Variants in PITPNM3 observed in about 807,000 individuals in gnomAD.
PITPNM3 encodes the protein PITPNM family member 3, also known as membrane-associated phosphatidylinositol transfer protein 3.
A neutral mutation model predicts 102.0 loss-of-function variants in PITPNM3; 26 were observed. The observed-to-expected ratio is 0.25, with a 90% CI of 0.19 to 0.35. The LOEUF (loss-of-function observed/expected upper bound fraction) is 0.35, where lower values mean the gene tolerates loss of function less well. Among genes scored for constraint, PITPNM3 ranks in the 10% least tolerant of loss-of-function variants. The pLI, the probability that PITPNM3 is intolerant of heterozygous loss-of-function variation, is 1.00. For missense variants in PITPNM3, 1,083 were observed against 1,346.1 expected (o/e 0.80, Z 3.06); for synonymous variants, 578 against 558.6 (o/e 1.03, Z -0.49).
At chr17:6,506,532 C>A (rs567516975) in intron 3 of PITPNM3, among the ~76,000 whole-genome samples, 1 of 152,046 alleles carries the variant, frequency 6.6e-6, no homozygotes, top group Admixed American at 6.6e-5. Flanking sequence ...CCACCACACC[C>A]GGCTAATTTT....
intron 4 of PITPNM3, among the ~76,000 whole-genome samples, chr17:6,495,436 A>C (rs1906742115): frequency 6.6e-6 from 1 of 152,176 alleles, no homozygotes. Flanking sequence ...GGGTGAAAAG[A>C]GATCCTCACA....
At chr17:6,512,490 A>G (rs1200311028) in intron 3 of PITPNM3, among the ~76,000 whole-genome samples, 1 of 152,216 alleles carries the variant, frequency 6.6e-6, no homozygotes. Context: ...ATTTTAGTGC[A>G]TCGGAATCAC....
intron 2 of PITPNM3, among the ~76,000 whole-genome samples, chr17:6,530,756 G>A (rs534559262): frequency 5.3e-5 from 8 of 152,170 alleles, no homozygotes; most frequent in Non-Finnish European, 8.8e-5. Context: ...CAACTGTCAG[G>A]GCCTGGCCTG....
In PITPNM3 at chr17:6,452,977, CCTCTCTCT is replaced by C. The variant is rs796340486; in HGVS notation, c.*2353_*2360del. The C allele has an allele frequency of 7.5e-6, 1 of 133,662 alleles. No homozygotes were observed. The highest frequency in any genetic ancestry group is 2.9e-5 in the African/African-American group (1 of 34,280). The allele number at this position is 133,662 out of a possible 1,614,324, so 8.3% of individuals were successfully genotyped here. On this transcript the variant is annotated 3_prime_UTR_variant, in exon 20 of 20. Coordinates refer to ENST00000262483, the MANE Select transcript of PITPNM3 (RefSeq NM_031220.4). Reference sequence around the variant, plus strand: ...CTCTCTTCCTCTCTCTCTCTCTCTTCCTCTCTCTCTCTCTCTGTCTTCCTTTCTCTCTC... The same window carrying C: ...CTCTCTTCCTCTCTCTCTCTCTCTTCCTCTCTCTGTCTTCCTTTCTCTCTC...
At chr17:6,462,892 CATGGGGAGCA>C (rs1904539833) in intron 17 of PITPNM3, among the ~76,000 whole-genome samples, 1 of 152,068 alleles carries the variant, frequency 6.6e-6, no homozygotes, top group Non-Finnish European at 1.5e-5. Context: ...TGTGGAGCAC[CATGGGGAGCA>C]CCCTGGAGCC....
rs1597367623 is a variant in PITPNM3, at chr17:6,471,109, GAA to G, written c.1624+50_1624+51del. 5.6e-6 allele frequency: 9 copies of G among 1,599,070 alleles called. No individual in the cohort carries two copies. In the East Asian group the frequency reaches 2.0e-4, roughly 36 times the overall value. On this transcript the variant is annotated intron_variant, in intron 12 of 19. Coordinates refer to ENST00000262483, the MANE Select transcript of PITPNM3 (RefSeq NM_031220.4). ...GCAGTGGCCCAGCAAACACCCAGAG[GAA>G]GGTTCCCCTCCCCCGAATCCAGGCA...
chr17:6,462,342 G>A (rs1904506942), intron 17 of PITPNM3, among the ~76,000 whole-genome samples: 1 of 152,120 alleles, frequency 6.6e-6, no homozygotes, highest in African/African-American at 2.4e-5. Context: ...AGAGCCTCAA[G>A]TCCTCTCTCT....
At chr17:6,471,569 C>T (rs1028915276) in intron 11 of PITPNM3, among the ~76,000 whole-genome samples, 1 of 152,200 alleles carries the variant, frequency 6.6e-6, no homozygotes, top group Non-Finnish European at 1.5e-5. Flanking sequence ...CGCATATTGC[C>T]GCATTTACCT....
At chr17:6,516,724 G>A (rs1156804884) in intron 3 of PITPNM3, among the ~76,000 whole-genome samples, 1 of 151,422 alleles carries the variant, frequency 6.6e-6, no homozygotes, top group African/African-American at 2.4e-5. Flanking sequence ...AGAATACAAG[G>A]ACTAAAGATG....
chr17:6,469,798 A>G lies in PITPNM3; in HGVS notation c.1773+462T>C, dbSNP rs1904971011. On this transcript the variant is annotated intron_variant, in intron 13 of 19. Coordinates refer to ENST00000262483, the MANE Select transcript of PITPNM3 (RefSeq NM_031220.4). The surrounding 1 kb of genome is among the most constrained non-coding windows in gnomAD (Gnocchi z 4.0). The stretch of plus-strand genomic sequence containing the variant: ...CTGCAATGGCTTCCCGTTGAACCCA[A>G]TATAAAACCATACCCCTGACCTTGG... Among the ~76,000 whole-genome samples, 1 of 152,190 alleles carries G rather than the reference A, an allele frequency of 6.6e-6. No homozygotes were observed.
Position 6,455,551 on chromosome 17 carries a change from G to T in PITPNM3, c.2712C>A (p.Arg904=). The change falls in exon 20 of 20, where the codon CGC becomes CGA. Residue 904 remains arginine, a synonymous_variant. Transcript: ENST00000262483. ...PKKNNSRMIL[R]KGSFGLHAQP... ...GCGCGTGCAGCCCGAAGCTGCCCTTGCGCAGGATCATGCGCGAGTTGTTCT... is the reference window on the plus strand; with the variant it reads ...GCGCGTGCAGCCCGAAGCTGCCCTTTCGCAGGATCATGCGCGAGTTGTTCT... 1 of 1,603,686 alleles carries T rather than the reference G, an allele frequency of 6.2e-7. No individual in the cohort carries two copies. The highest frequency in any genetic ancestry group is 8.5e-7 in the Non-Finnish European group (1 of 1,179,438).
intron 6 of PITPNM3, chr17:6,481,738 T>TGATAGATATATA (rs1905681993): frequency 7.1e-6 from 1 of 140,112 alleles, no homozygotes; most frequent in East Asian, 2.2e-4. Context: ...ATAGATCAGA[T>TGATAGATATATA]GATAGATAGA....
At chr17:6,547,667 A>T (rs138369914) in intron 1 of PITPNM3, among the ~76,000 whole-genome samples, 3 of 152,178 alleles carry the variant, frequency 2.0e-5, no homozygotes, top group African/African-American at 4.8e-5. Context: ...CCAGGCACCT[A>T]CCCAGGCAAC....
rs111943449 is a variant in PITPNM3 at position 6,454,514 on chromosome 17, C to A, written c.*824G>T. On this transcript the variant is annotated 3_prime_UTR_variant, in exon 20 of 20. Coordinates refer to ENST00000262483, the MANE Select transcript of PITPNM3 (RefSeq NM_031220.4). ...CTCACACCAATCTCAGCTAGGGGGA[C>A]CCCTCCAATAACAGAAGGAAGACGG... 1,247 of 151,810 alleles carry A rather than the reference C, an allele frequency of 8.2e-3. 9 individuals carry two copies. The highest frequency in any genetic ancestry group is 0.014 in the Non-Finnish European group (962 of 68,106). The allele number at this position is 151,810 out of a possible 1,614,324, so 9.4% of individuals were successfully genotyped here.
chr17:6,476,480 T>G (rs1333950067), intron 9 of PITPNM3, among the ~76,000 whole-genome samples: 1 of 152,214 alleles, frequency 6.6e-6, no homozygotes, highest in Non-Finnish European at 1.5e-5. Context: ...CAAACAGTTC[T>G]GTAGAGGAGC....
In PITPNM3 at chr17:6,455,594, T is replaced by A. The variant is rs1567656615; in HGVS notation, c.2669A>T (p.His890Leu). 1.3e-6 allele frequency: 2 copies of A among 1,561,500 alleles called. No homozygotes were observed. The highest frequency in any genetic ancestry group is 1.7e-6 in the Non-Finnish European group (2 of 1,159,952). The change falls in exon 20 of 20, where the codon CAC becomes CTC. Residue 890 changes from histidine to leucine, a missense_variant. Coordinates refer to ENST00000262483, the MANE Select transcript of PITPNM3 (RefSeq NM_031220.4). Reference protein sequence around the residue: ...AAHLAALEASHRSRPKKNNSR... With the variant: ...AAHLAALEASLRSRPKKNNSR... ...GTTGTTCTTCTTTGGGCGTGAGCGG[T>A]GGCTGGCCTCCAGCGCGGCCAGGTG...
At chr17:6,536,063 CAAAAAAAAAAGGAAAAAAAAAGAA>C (rs1909407282) in intron 2 of PITPNM3, among the ~76,000 whole-genome samples, 1 of 74,982 alleles carries the variant, frequency 1.3e-5, no homozygotes, top group Non-Finnish European at 2.6e-5. Flanking sequence ...GACTCCATCT[CAAAAAAAAAAGGAAAAAAAAAGAA>C]AAAAAAAAAA....
chr17:6,463,818 C>T lies in PITPNM3; in HGVS notation c.2220G>A (p.Val740=). The change falls in exon 17 of 20, where the codon GTG becomes GTA. Residue 740 remains valine (V), a synonymous_variant. Coordinates refer to ENST00000262483, the MANE Select transcript of PITPNM3 (RefSeq NM_031220.4). ...TVLPRGMECV[V]FSIDGSFAAS... is the part of the protein sequence containing the mutation. Reference sequence around the variant, plus strand: ...CCGCGAAGGACCCATCAATGCTGAACACTACACACTCCATGCCCCTGGGCA... The same window carrying T: ...CCGCGAAGGACCCATCAATGCTGAATACTACACACTCCATGCCCCTGGGCA... 7.4e-6 allele frequency: 12 copies of T among 1,613,870 alleles called. No individual in the cohort carries two copies. The highest frequency in any genetic ancestry group is 1.0e-5 in the Non-Finnish European group (12 of 1,179,984).
intron 8 of PITPNM3, among the ~76,000 whole-genome samples, chr17:6,477,436 G>A (rs1905374434): frequency 6.6e-6 from 1 of 152,194 alleles, no homozygotes; most frequent in South Asian, 2.1e-4. Context: ...TGGGATGCTG[G>A]ATGGCTGTCG....
Sources: gnomAD v4.1 joint callset for allele counts (sites outside exome capture counted in the v4.1 genomes callset) on GRCh38, gnomAD v4.1.1 for gene constraint, Gnocchi (gnomAD v3.1) non-coding constraint, MANE v1.5 for transcripts, NCBI Gene and HGNC (gene_info 2026-07-23, HGNC 2026-07-21) for gene names.